Variants in NTN1 observed in about 807,000 individuals in gnomAD.
NTN1 encodes netrin 1.
NTN1 carries 11 observed loss-of-function variants against 54.2 expected under a neutral mutation model. That is an observed-to-expected ratio of 0.20 (90% CI 0.13 to 0.34). NTN1 has a LOEUF of 0.34. Among genes scored for constraint, NTN1 ranks in the 10% least tolerant of loss-of-function variants. The probability of loss-of-function intolerance (pLI) is 1.00; values close to 1 mark genes in which losing one functional copy is unlikely to be tolerated. For missense variants in NTN1, 740 were observed against 893.1 expected, an observed-to-expected ratio of 0.83 and a Z score of 2.18; for synonymous variants, 371 against 382.0, an observed-to-expected ratio of 0.97 and a Z score of 0.33.
chr17:9,060,603 T>G (rs1470562154), intron 2 of NTN1, among the ~76,000 whole-genome samples: 1 of 152,162 alleles, frequency 6.6e-6, no homozygotes, highest in Non-Finnish European at 1.5e-5. Flanking sequence ...AACATTGGGC[T>G]TCAGGAGGTG....
chr17:9,045,460 A>G (rs1200830839), intron 2 of NTN1, among the ~76,000 whole-genome samples: 1 of 152,214 alleles, frequency 6.6e-6, no homozygotes, highest in East Asian at 1.9e-4. Context: ...AGCTTCCTAC[A>G]GAAACGGGCA....
chr17:9,005,850 G>A, the NTN1 span, among the ~76,000 whole-genome samples: 1 of 152,192 alleles, frequency 6.6e-6, no homozygotes, highest in Non-Finnish European at 1.5e-5. Context: ...TGGATGTTGA[G>A]TCCCCAAACC....
At chr17:9,218,087 T>A (rs2142352907) in intron 5 of NTN1, among the ~76,000 whole-genome samples, 1 of 152,318 alleles carries the variant, frequency 6.6e-6, no homozygotes, top group East Asian at 1.9e-4. Flanking sequence ...TAACCCTGGC[T>A]GTGCTTTAGA....
chr17:9,143,739 A>G (rs2092304939), intron 2 of NTN1, among the ~76,000 whole-genome samples: 1 of 152,128 alleles, frequency 6.6e-6, no homozygotes, highest in African/African-American at 2.4e-5. Flanking sequence ...AAACCATGTC[A>G]CGCCAATGCT....
intron 2 of NTN1, among the ~76,000 whole-genome samples, chr17:9,144,836 C>T (rs1397570517): frequency 1.3e-5 from 2 of 152,186 alleles, no homozygotes; most frequent in Admixed American, 1.3e-4. Context: ...TTGCATTTGT[C>T]AAGTTAATTT....
intron 5 of NTN1, among the ~76,000 whole-genome samples, chr17:9,203,161 T>G (rs961964741): frequency 2.0e-5 from 3 of 152,108 alleles, no homozygotes; most frequent in Non-Finnish European, 4.4e-5. Context: ...GACCTCGTGA[T>G]CCGCCTGCCT....
chr17:9,086,630 A>G (rs143316616), intron 2 of NTN1, among the ~76,000 whole-genome samples: 108 of 152,260 alleles, frequency 7.1e-4, no homozygotes, highest in Non-Finnish European at 8.4e-4. Context: ...CACCAAACAG[A>G]TCATCACTGT....
chr17:9,233,148 A>G (rs1905872692), intron 6 of NTN1, among the ~76,000 whole-genome samples: 2 of 151,902 alleles, frequency 1.3e-5, no homozygotes, highest in Admixed American at 1.3e-4. Flanking sequence ...GCCCACCTCG[A>G]GCAGCCCATA....
At chr17:9,207,354 T>TGCC (rs1390341567) in intron 5 of NTN1, among the ~76,000 whole-genome samples, 1 of 152,194 alleles carries the variant, frequency 6.6e-6, no homozygotes, top group East Asian at 1.9e-4. Flanking sequence ...TAATTGGATG[T>TGCC]GCCAGTAATA....
At position 9,226,404 on chromosome 17, in the gene NTN1, TG is replaced by T. The variant is rs1364059731; in HGVS notation, c.1486+5167del. 6.2e-4 allele frequency among the ~76,000 whole-genome samples: 91 copies of T among 145,644 alleles called. 1 individual carries two copies. In the East Asian group the frequency reaches 0.013, roughly 21 times the overall value. ...CACAGCAGGCACCGTGTCTAAGGGG[TG>T]GGGGCCGTGGGGAGGCGGTCTCGTG... On this transcript the variant is annotated intron_variant, in intron 6 of 6. Coordinates refer to ENST00000173229, the MANE Select transcript of NTN1 (RefSeq NM_004822.3).
intron 2 of NTN1, among the ~76,000 whole-genome samples, chr17:9,117,746 A>AAAAC (rs1250585713): frequency 6.9e-6 from 1 of 145,074 alleles, no homozygotes; most frequent in Non-Finnish European, 1.5e-5. Context: ...TCCATCTCAA[A>AAAAC]AAACAAACAA....
At chr17:9,066,609 CAG>C (rs1353649840) in intron 2 of NTN1, among the ~76,000 whole-genome samples, 1 of 151,934 alleles carries the variant, frequency 6.6e-6, no homozygotes, top group Non-Finnish European at 1.5e-5. Flanking sequence ...GCCTGGGCGA[CAG>C]AGTGAGTCTC....
At chr17:9,160,003 C>A (rs886633367) in intron 2 of NTN1, among the ~76,000 whole-genome samples, 1 of 152,106 alleles carries the variant, frequency 6.6e-6, no homozygotes, top group African/African-American at 2.4e-5. Context: ...GGGAAACGAC[C>A]TATAGGTGCC....
At chr17:9,070,070 T>TAGTG (rs1048578406) in intron 2 of NTN1, among the ~76,000 whole-genome samples, 2 of 152,182 alleles carry the variant, frequency 1.3e-5, no homozygotes, top group African/African-American at 4.8e-5. Flanking sequence ...TTGTGTAGAC[T>TAGTG]AGTGGACTAA....
intron 2 of NTN1, among the ~76,000 whole-genome samples, chr17:9,078,227 A>G (rs560334554): frequency 7.2e-5 from 11 of 152,282 alleles, no homozygotes; most frequent in African/African-American, 2.6e-4. Flanking sequence ...CTAGAGTTAG[A>G]CAGGTAAGTA....
chr17:9,127,662 C>T (rs1567717011), intron 2 of NTN1, among the ~76,000 whole-genome samples: 1 of 151,566 alleles, frequency 6.6e-6, no homozygotes, highest in African/African-American at 2.4e-5. Context: ...AGGCAAGTGA[C>T]CAGGTACCCC....
rs867042684 is a variant in NTN1, at chr17:9,126,425, A to G, written c.1019-36388A>G. Among the ~76,000 whole-genome samples the G allele has an allele frequency of 2.0e-5, 3 of 152,264 alleles. No homozygotes were observed. The East Asian group carries it at 5.8e-4, about 30-fold the overall frequency. On this transcript the variant is annotated intron_variant, in intron 2 of 6. Coordinates refer to ENST00000173229, the MANE Select transcript of NTN1 (RefSeq NM_004822.3). ...CTCGGGAGGCTGAGGCAGGAGAATC[A>G]CTTGAACCTGGGAGGCGGAGGTTGC...
chr17:9,037,284 C>T (rs2091906428), intron 2 of NTN1, among the ~76,000 whole-genome samples: 1 of 152,130 alleles, frequency 6.6e-6, no homozygotes, highest in Admixed American at 6.5e-5. Context: ...CATAACTTTT[C>T]CTATAGTCTT....
the NTN1 span, among the ~76,000 whole-genome samples, chr17:9,010,890 T>C: frequency 1.3e-5 from 2 of 152,292 alleles, no homozygotes; most frequent in South Asian, 2.1e-4. Flanking sequence ...TCTATTATTA[T>C]TACATGGTAA....
Sources: gnomAD v4.1 joint callset for allele counts (sites outside exome capture counted in the v4.1 genomes callset) on GRCh38, gnomAD v4.1.1 for gene constraint, MANE v1.5 for transcripts, NCBI Gene and HGNC (gene_info 2026-07-23, HGNC 2026-07-21) for gene names.